The following CEP83 variants were observed in gnomAD, a reference collection of about 807,000 sequenced individuals.
The protein encoded by CEP83 is centrosomal protein 83.
Under a neutral mutation model 101.9 loss-of-function variants are expected in CEP83, and 70 were observed. The ratio of observed to expected loss-of-function variants is 0.69; its 90% confidence interval spans 0.57 to 0.84. The LOEUF is 0.84. Ranked by LOEUF, CEP83 falls within the 40% of genes least tolerant of loss-of-function variation. The pLI, the probability that CEP83 is intolerant of heterozygous loss-of-function variation, is 0.00. For missense variants in CEP83, 715 were observed against 787.2 expected, an observed-to-expected ratio of 0.91 and a Z score of 1.10; for synonymous variants, 264 against 267.9, an observed-to-expected ratio of 0.99 and a Z score of 0.14.
Position 94,347,050 on chromosome 12 carries a change from A to AAT in CEP83, c.1344-11388_1344-11387dup, listed in dbSNP as rs137940620. Among the ~76,000 whole-genome samples, 1,186 of 131,984 alleles carry AAT rather than the reference A, an allele frequency of 9.0e-3. 18 individuals are homozygous for AAT. The highest frequency in any genetic ancestry group is 0.038 in the South Asian group (160 of 4,220). 86.6% of individuals were successfully genotyped at this position (131,984 alleles called of 152,430 possible). ...AAGATCCTGTATCAAAAAATAAACA[A>AAT]ATATATATATATATATATACACATA... On this transcript the variant is annotated intron_variant, in intron 11 of 16. Transcript: ENST00000397809.
At chr12:94,297,545 GAA>G in the CEP83 span, 1 of 680,668 alleles carries the variant, frequency 1.5e-6, no homozygotes, top group East Asian at 2.7e-5. Context: ...AAAGCAAAAT[GAA>G]AGTTTAAATT....
the CEP83 span, chr12:94,279,454 CTG>C: frequency 6.3e-7 from 1 of 1,597,944 alleles, no homozygotes. Flanking sequence ...ACTTGGAAAC[CTG>C]TTTGTACTCT....
chr12:94,285,010 G>T, the CEP83 span, among the ~76,000 whole-genome samples: 1 of 152,190 alleles, frequency 6.6e-6, no homozygotes, highest in South Asian at 2.1e-4. Flanking sequence ...AGTGGCTCTG[G>T]ACAGACACAG....
chr12:94,439,556 CAAAA>C (rs989596200), intron 1 of CEP83, among the ~76,000 whole-genome samples: 3 of 131,238 alleles, frequency 2.3e-5, no homozygotes, highest in Admixed American at 7.6e-5. Context: ...AAAATGCCAA[CAAAA>C]AAAAAAAAAG....
chr12:94,290,909 G>C, the CEP83 span, among the ~76,000 whole-genome samples: 1 of 152,212 alleles, frequency 6.6e-6, no homozygotes, highest in African/African-American at 2.4e-5. Flanking sequence ...AAGGAGATTT[G>C]TGGATCTCTG....
chr12:94,273,262 ACT>A, the CEP83 span, among the ~76,000 whole-genome samples: 1 of 151,832 alleles, frequency 6.6e-6, no homozygotes, highest in Non-Finnish European at 1.5e-5. Context: ...TAGTACAGGG[ACT>A]CTCTTTCAGG....
chr12:94,315,449 T>G (rs1462439524), intron 14 of CEP83, among the ~76,000 whole-genome samples: 1 of 152,174 alleles, frequency 6.6e-6, no homozygotes, highest in African/African-American at 2.4e-5. Context: ...TCCTACTGAT[T>G]TGTAGTTCTT....
intron 4 of CEP83, among the ~76,000 whole-genome samples, chr12:94,410,573 A>G (rs2137760617): frequency 6.6e-6 from 1 of 152,284 alleles, no homozygotes; most frequent in South Asian, 2.1e-4. Context: ...ACAAATAATC[A>G]CATTTAGATG....
chr12:94,428,527 TAA>T (rs1175480873), intron 2 of CEP83, among the ~76,000 whole-genome samples: 1 of 152,232 alleles, frequency 6.6e-6, no homozygotes, highest in Non-Finnish European at 1.5e-5. Context: ...TCTGAAAAGT[TAA>T]AGAGAAATTG....
chr12:94,391,888 G>C (rs1015066441), intron 6 of CEP83, among the ~76,000 whole-genome samples: 3 of 151,684 alleles, frequency 2.0e-5, no homozygotes, highest in Admixed American at 2.0e-4. Context: ...GACAAAGAAG[G>C]CCATGGTAAA....
chr12:94,382,423 G>C (rs2061901521), intron 6 of CEP83, among the ~76,000 whole-genome samples: 1 of 151,256 alleles, frequency 6.6e-6, no homozygotes, highest in Admixed American at 6.6e-5. Context: ...CTTGAGGTGG[G>C]AGCTTACATT....
chr12:94,269,970 T>C, the CEP83 span, among the ~76,000 whole-genome samples: 1 of 152,264 alleles, frequency 6.6e-6, no homozygotes, highest in Admixed American at 6.5e-5. Context: ...ATACACTTTC[T>C]TCTCATGCCT....
At chr12:94,311,621 G>C (rs1373375291) in intron 15 of CEP83, among the ~76,000 whole-genome samples, 5 of 152,154 alleles carry the variant, frequency 3.3e-5, no homozygotes, top group Non-Finnish European at 7.3e-5. Flanking sequence ...CAAACATCTG[G>C]TGTCAGAAAT....
At chr12:94,450,666 C>T (rs187082628) in intron 1 of CEP83, among the ~76,000 whole-genome samples, 313 of 152,170 alleles carry the variant, frequency 2.1e-3, no homozygotes, top group Non-Finnish European at 3.5e-3. Flanking sequence ...AATAAGTGCA[C>T]GATTTGTACA....
intron 1 of CEP83, among the ~76,000 whole-genome samples, chr12:94,453,079 T>C (rs756855780): frequency 6.6e-6 from 1 of 152,184 alleles, no homozygotes; most frequent in Non-Finnish European, 1.5e-5. Flanking sequence ...GAGCAACAAT[T>C]TCCATTTAAT....
In CEP83 at chr12:94,400,720, T is replaced by C. The variant is rs557864128; in HGVS notation, c.549+130A>G. On this transcript the variant is annotated intron_variant, in intron 6 of 16. Coordinates refer to ENST00000397809, the MANE Select transcript of CEP83 (RefSeq NM_016122.3). ...GTTGATACGAAGCTGATGAAAATCA[T>C]GATGAATACTCCACCATTAATGAAT... 1.0e-4 allele frequency: 44 copies of C among 426,470 alleles called. No individual in the cohort carries two copies. The East Asian group carries it at 2.0e-3, about 20-fold the overall frequency. 26.4% of individuals were successfully genotyped at this position (426,470 alleles called of 1,614,324 possible).
intron 2 of CEP83, among the ~76,000 whole-genome samples, chr12:94,430,341 A>T (rs2065524150): frequency 6.6e-6 from 1 of 152,188 alleles, no homozygotes; most frequent in African/African-American, 2.4e-5. Context: ...AGTGAGATAC[A>T]AGAGAATACT....
chr12:94,424,802 G>A lies in CEP83; in HGVS notation c.-102+10473C>T, dbSNP rs2065056049. 4 of 1,607,770 alleles carry A rather than the reference G, an allele frequency of 2.5e-6. No homozygotes were observed. The East Asian group carries it at 8.9e-5, about 36-fold the overall frequency. On this transcript the variant is annotated intron_variant, in intron 2 of 16. Coordinates refer to ENST00000397809, the MANE Select transcript of CEP83 (RefSeq NM_016122.3). ...TTGCAATCCTCGGATGTATAGGTTG[G>A]TTTTGCTCAGCTGGTCATTTCCATT...
intron 6 of CEP83, among the ~76,000 whole-genome samples, chr12:94,395,516 T>TA (rs1829904385): frequency 1.3e-5 from 2 of 152,178 alleles, no homozygotes. Context: ...TTAAATTACT[T>TA]ACATACTTAA....
Sources: gnomAD v4.1 joint callset for allele counts (sites outside exome capture counted in the v4.1 genomes callset) on GRCh38, gnomAD v4.1.1 for gene constraint, MANE v1.5 for transcripts, NCBI Gene and HGNC (gene_info 2026-07-23, HGNC 2026-07-21) for gene names.